Variants in ERBB4 observed in about 807,000 individuals in gnomAD.
The protein encoded by ERBB4 is receptor tyrosine-protein kinase erbB-4.
Under a neutral mutation model 158.0 loss-of-function variants are expected in ERBB4, and 42 were observed. The observed-to-expected ratio is 0.27, with a 90% CI of 0.21 to 0.34. The LOEUF (loss-of-function observed/expected upper bound fraction) is 0.34, where lower values mean the gene tolerates loss of function less well. Ranked by LOEUF, ERBB4 falls within the 10% of genes least tolerant of loss-of-function variation. The pLI is 1.00. For synonymous variants in ERBB4, 583 were observed against 558.7 expected, an observed-to-expected ratio of 1.04 and a Z score of -0.61; for missense variants, 1,333 against 1,624.1, an observed-to-expected ratio of 0.82 and a Z score of 3.08.
At chr2:212,347,385 T>C (rs1324769405) in intron 1 of ERBB4, among the ~76,000 whole-genome samples, 2 of 152,078 alleles carry the variant, frequency 1.3e-5, no homozygotes. Context: ...TATTCCTAAC[T>C]TTGTAATTTC....
intron 1 of ERBB4, among the ~76,000 whole-genome samples, chr2:212,497,463 G>A (rs1404027920): frequency 6.6e-6 from 1 of 152,094 alleles, no homozygotes; most frequent in East Asian, 1.9e-4. Context: ...ACTAGCTGCT[G>A]AAGACGTGAC....
At chr2:212,364,585 G>A (rs2089812955) in intron 1 of ERBB4, among the ~76,000 whole-genome samples, 1 of 151,762 alleles carries the variant, frequency 6.6e-6, no homozygotes, top group Non-Finnish European at 1.5e-5. Flanking sequence ...CCATAATGAT[G>A]CAAAGTTTTG....
At chr2:211,386,817 T>C in intron 27 of ERBB4, 36 bp downstream of exon 27, 1 of 1,607,730 alleles carries the variant, frequency 6.2e-7, no homozygotes, top group Non-Finnish European at 8.5e-7. Flanking sequence ...GAAGTGAACT[T>C]CGAATGGCGA....
intron 19 of ERBB4, among the ~76,000 whole-genome samples, chr2:211,565,297 G>T (rs2125730514): frequency 6.6e-6 from 1 of 152,070 alleles, no homozygotes; most frequent in African/African-American, 2.4e-5. Context: ...TGGGAAGATG[G>T]GACAGAGTAT....
chr2:211,764,882 G>A (rs2075513771), intron 4 of ERBB4, among the ~76,000 whole-genome samples: 1 of 152,128 alleles, frequency 6.6e-6, no homozygotes, highest in African/African-American at 2.4e-5. Flanking sequence ...GAATCCATTA[G>A]GCAAAGATGT....
chr2:211,760,782 C>T (rs1164448926), intron 4 of ERBB4, among the ~76,000 whole-genome samples: 1 of 152,212 alleles, frequency 6.6e-6, no homozygotes, highest in Non-Finnish European at 1.5e-5. Flanking sequence ...ATCAACCTCA[C>T]CACATCATCT....
intron 5 of ERBB4, among the ~76,000 whole-genome samples, chr2:211,730,655 C>A (rs1470975697): frequency 1.3e-5 from 2 of 151,966 alleles, no homozygotes. Flanking sequence ...TTAATAAGCC[C>A]ATTTCTATTA....
At chr2:211,853,157 T>C (rs2077760140) in intron 3 of ERBB4, among the ~76,000 whole-genome samples, 1 of 151,988 alleles carries the variant, frequency 6.6e-6, no homozygotes, top group Non-Finnish European at 1.5e-5. Flanking sequence ...AGCTTCCCAA[T>C]GCTTATATGG....
At chr2:211,645,463 T>C (rs1283019778) in intron 16 of ERBB4, among the ~76,000 whole-genome samples, 1 of 151,768 alleles carries the variant, frequency 6.6e-6, no homozygotes, top group Non-Finnish European at 1.5e-5. Context: ...TAAATGATGT[T>C]GAAATATTAC....
intron 1 of ERBB4, among the ~76,000 whole-genome samples, chr2:212,160,998 TAGAA>T (rs2081187490): frequency 6.6e-6 from 1 of 151,880 alleles, no homozygotes; most frequent in African/African-American, 2.4e-5. Context: ...GAAATAAAAT[TAGAA>T]AGAAAAATAT....
At chr2:212,078,641 T>A (rs1295178754) in intron 2 of ERBB4, among the ~76,000 whole-genome samples, 1 of 151,926 alleles carries the variant, frequency 6.6e-6, no homozygotes, top group Non-Finnish European at 1.5e-5. Context: ...GGGCTCATTG[T>A]ACATATTTCA....
intron 3 of ERBB4, among the ~76,000 whole-genome samples, chr2:211,806,276 G>T (rs1019440587): frequency 2.0e-5 from 3 of 151,968 alleles, no homozygotes; most frequent in African/African-American, 7.3e-5. Context: ...GAGACAGCAG[G>T]GATCAAAATC....
At chr2:211,414,226 TG>T (rs1264723094) in intron 25 of ERBB4, among the ~76,000 whole-genome samples, 1 of 151,894 alleles carries the variant, frequency 6.6e-6, no homozygotes, top group Non-Finnish European at 1.5e-5. Context: ...TGACCTGGCG[TG>T]GTGGCTCACG....
chr2:212,092,999 G>T (rs2078825420), intron 2 of ERBB4, among the ~76,000 whole-genome samples: 2 of 152,100 alleles, frequency 1.3e-5, no homozygotes, highest in African/African-American at 4.8e-5. Flanking sequence ...GGAAATTATT[G>T]ATACGAATTC....
chr2:211,950,035 C>T (rs1165195342), intron 2 of ERBB4, among the ~76,000 whole-genome samples: 2 of 152,104 alleles, frequency 1.3e-5, no homozygotes, highest in African/African-American at 4.8e-5. Context: ...TCACTCCGGC[C>T]CTTCTCTGGC....
At chr2:212,058,960 G>C (rs998766173) in intron 2 of ERBB4, among the ~76,000 whole-genome samples, 3 of 152,138 alleles carry the variant, frequency 2.0e-5, no homozygotes, top group East Asian at 1.9e-4. Context: ...GAAGGAGAAA[G>C]AAATAAAGGG....
intron 3 of ERBB4, among the ~76,000 whole-genome samples, chr2:211,836,195 C>A (rs1213779066): frequency 6.6e-6 from 1 of 152,074 alleles, no homozygotes; most frequent in Non-Finnish European, 1.5e-5. Context: ...GATGGCTGCT[C>A]TGGGAGTCCC....
At chr2:211,455,786 A>C (rs11885425) in intron 20 of ERBB4, among the ~76,000 whole-genome samples, 1 of 152,100 alleles carries the variant, frequency 6.6e-6, no homozygotes, top group Admixed American at 6.5e-5. Context: ...TGCCAGTTTC[A>C]AGAGAGAGCT....
Position 212,370,860 on chromosome 2 carries a change from G to A in ERBB4, c.82+167589C>T, listed in dbSNP as rs183850528. ...TTAGTTATATTTATCCCACTTCTCA[G>A]TCTTTACCTCTTTTCAAATACCTAA... On this transcript the variant is annotated intron_variant, in intron 1 of 27. Transcript: ENST00000342788. Among the ~76,000 whole-genome samples the A allele has an allele frequency of 2.7e-3, 415 of 152,046 alleles. 2 individuals are homozygous for A. Among genetic ancestry groups the A allele is most frequent in the Non-Finnish European group, 4.0e-3 (272 of 67,980 alleles).
Sources: allele counts gnomAD v4.1 joint callset (sites outside exome capture counted in the v4.1 genomes callset), GRCh38; gene constraint gnomAD v4.1.1; transcripts MANE v1.5; gene names NCBI Gene and HGNC (gene_info 2026-07-23, HGNC 2026-07-21).